The following LGMN variants were observed in gnomAD, a reference collection of about 807,000 sequenced individuals.
The protein encoded by LGMN is asparaginyl endopeptidase.
A neutral mutation model predicts 56.8 loss-of-function variants in LGMN; 36 were observed. The ratio of observed to expected loss-of-function variants is 0.63; its 90% CI spans 0.49 to 0.84. The LOEUF (loss-of-function observed/expected upper bound fraction) is 0.84, where lower values mean the gene tolerates loss of function less well. Among genes scored for constraint, LGMN ranks in the 40% least tolerant of loss-of-function variants. LGMN has a pLI of 0.00. For synonymous variants in LGMN, 199 were observed against 210.1 expected, an observed-to-expected ratio of 0.95 and a Z score of 0.46; for missense variants, 446 against 556.1, an observed-to-expected ratio of 0.80 and a Z score of 1.99.
At chr14:92,729,121 GCTTTT>G (rs1413533989) in intron 2 of LGMN, among the ~76,000 whole-genome samples, 1 of 146,716 alleles carries the variant, frequency 6.8e-6, no homozygotes, top group Non-Finnish European at 1.5e-5. Context: ...CACCTGCTCA[GCTTTT>G]CTTTTTTTTT....
chr14:92,718,893 T>C (rs967722917), intron 2 of LGMN, 49 bp from the exon 3 acceptor site: 12 of 1,388,076 alleles, frequency 8.6e-6, no homozygotes, highest in Admixed American at 1.7e-5. Flanking sequence ...GGGAGGCCAA[T>C]TTTGGAGTTC....
At chr14:92,706,343 C>T (rs1889427064) in intron 12 of LGMN, 140 bp downstream of exon 12, 1 of 669,958 alleles carries the variant, frequency 1.5e-6, no homozygotes, top group Non-Finnish European at 2.3e-6. Flanking sequence ...TTTGGACAAC[C>T]TTCTTCCTCT....
intron 1 of LGMN, among the ~76,000 whole-genome samples, chr14:92,747,714 T>C (rs1449340265): frequency 1.3e-5 from 2 of 152,186 alleles, no homozygotes; most frequent in Non-Finnish European, 2.9e-5. Context: ...AAATGTTTGC[T>C]ATGCAAGTCC....
intron 1 of LGMN, among the ~76,000 whole-genome samples, chr14:92,738,684 A>G (rs1192273551): frequency 6.6e-6 from 1 of 152,044 alleles, no homozygotes. Context: ...CGCTATATTA[A>G]AAGCCTCACA....
At chr14:92,719,996 A>G (rs1890371697) in intron 2 of LGMN, among the ~76,000 whole-genome samples, 1 of 152,248 alleles carries the variant, frequency 6.6e-6, no homozygotes, top group Non-Finnish European at 1.5e-5. Flanking sequence ...AACAACACTG[A>G]GCACAGCAAT....
chr14:92,742,305 TC>T (rs67734738), intron 1 of LGMN, among the ~76,000 whole-genome samples: 27,548 of 104,166 alleles, frequency 0.26, 5,918 homozygotes, highest in African/African-American at 0.46. Flanking sequence ...TTTTTTTTTT[TC>T]TTTTTTTTTG....
intron 2 of LGMN, among the ~76,000 whole-genome samples, chr14:92,723,411 T>G (rs1417720862): frequency 6.6e-6 from 1 of 152,304 alleles, no homozygotes; most frequent in Middle Eastern, 3.4e-3. Context: ...AAGATTTGCA[T>G]GCAAATGTTC....
intron 2 of LGMN, among the ~76,000 whole-genome samples, chr14:92,731,189 G>C (rs1891032782): frequency 6.6e-6 from 1 of 152,130 alleles, no homozygotes; most frequent in Admixed American, 6.5e-5. Context: ...GGAGTTAAAG[G>C]ACTCTGTGTA....
intron 2 of LGMN, among the ~76,000 whole-genome samples, chr14:92,724,648 G>A (rs113586131): frequency 1.5e-3 from 225 of 152,336 alleles, no homozygotes; most frequent in African/African-American, 5.0e-3. Context: ...TCTAAGAGGC[G>A]CAGAGCCCTC....
At chr14:92,747,977 A>T (rs904569543) in intron 1 of LGMN, among the ~76,000 whole-genome samples, 4 of 152,204 alleles carry the variant, frequency 2.6e-5, no homozygotes, top group Non-Finnish European at 2.9e-5. Context: ...TCACCAGCTC[A>T]AACCTCCCAG....
chr14:92,739,920 CACAG>C (rs887213331), intron 1 of LGMN, among the ~76,000 whole-genome samples: 1 of 152,176 alleles, frequency 6.6e-6, no homozygotes, highest in African/African-American at 2.4e-5. Flanking sequence ...GAGAAGACAA[CACAG>C]ACAGTCGTTG....
intron 10 of LGMN, among the ~76,000 whole-genome samples, chr14:92,710,769 C>T (rs1200025208): frequency 6.6e-6 from 1 of 152,252 alleles, no homozygotes; most frequent in African/African-American, 2.4e-5. Flanking sequence ...TATGCCACCA[C>T]TGACCCTGCC....
In LGMN at chr14:92,709,669, C is replaced by T. The variant is rs774755505; in HGVS notation, c.1020+3G>A. 10 of 1,612,136 alleles carry T rather than the reference C, an allele frequency of 6.2e-6. No individual in the cohort carries two copies. Among genetic ancestry groups the T allele is most frequent in the African/African-American group, 4.0e-5 (3 of 74,870 alleles). The stretch of plus-strand genomic sequence containing the variant: ...GGGCACAGCTCCTTTCACCACTACT[C>T]ACATCCAGATGCCGCTGGATCTCCT... On this transcript the variant is annotated splice_donor_region_variant and intron_variant, in intron 11 of 13. Transcript: ENST00000334869.
intron 11 of LGMN, among the ~76,000 whole-genome samples, chr14:92,708,392 G>A (rs1889555181): frequency 6.6e-6 from 1 of 151,666 alleles, no homozygotes; most frequent in African/African-American, 2.4e-5. Context: ...GAGCTCAGGA[G>A]TTTGAGACCA....
chr14:92,738,691 C>A (rs1013253785), intron 1 of LGMN, among the ~76,000 whole-genome samples: 4 of 152,028 alleles, frequency 2.6e-5, no homozygotes, highest in African/African-American at 9.7e-5. Flanking sequence ...TTAAAAGCCT[C>A]ACATTACGTT....
At chr14:92,735,710 G>A (rs565383778) in intron 1 of LGMN, among the ~76,000 whole-genome samples, 1 of 152,206 alleles carries the variant, frequency 6.6e-6, no homozygotes, top group African/African-American at 2.4e-5. Flanking sequence ...GCCTGAAATC[G>A]TGCTAAATGT....
At chr14:92,745,996 A>G (rs1891801924) in intron 1 of LGMN, among the ~76,000 whole-genome samples, 1 of 151,704 alleles carries the variant, frequency 6.6e-6, no homozygotes, top group Non-Finnish European at 1.5e-5. Flanking sequence ...TAATTTCTGT[A>G]TTTTTTAGTA....
intron 1 of LGMN, among the ~76,000 whole-genome samples, chr14:92,734,550 G>A (rs147159481): frequency 6.6e-6 from 1 of 151,674 alleles, no homozygotes; most frequent in East Asian, 1.9e-4. Context: ...TGAAGCAGGA[G>A]AATCACTTGA....
intron 1 of LGMN, among the ~76,000 whole-genome samples, chr14:92,746,893 G>A (rs946722818): frequency 1.1e-4 from 17 of 152,088 alleles, no homozygotes; most frequent in Admixed American, 2.6e-4. Context: ...AAAATTAGCC[G>A]GGCGTGGTGG....
Sources: gnomAD v4.1 joint callset for allele counts (sites outside exome capture counted in the v4.1 genomes callset) on GRCh38, gnomAD v4.1.1 for gene constraint, MANE v1.5 for transcripts, NCBI Gene and HGNC (gene_info 2026-07-23, HGNC 2026-07-21) for gene names.